Variants in KCNT1 observed in about 807,000 individuals in gnomAD.
The protein encoded by KCNT1 is potassium channel subfamily T member 1.
A neutral mutation model predicts 147.8 loss-of-function variants in KCNT1; 78 were observed. That is an observed-to-expected ratio of 0.53 (90% CI 0.44 to 0.64). The LOEUF (loss-of-function observed/expected upper bound fraction) is 0.64. KCNT1 is among the 30% of genes least tolerant of loss of function. The pLI is 0.00. For synonymous variants in KCNT1, 867 were observed against 748.8 expected, an observed-to-expected ratio of 1.16 and a Z score of -2.58; for missense variants, 1,419 against 1,750.3, an observed-to-expected ratio of 0.81 and a Z score of 3.38.
intron 19 of KCNT1, among the ~76,000 whole-genome samples, chr9:135,773,734 G>A (rs570153415): frequency 6.6e-6 from 1 of 152,398 alleles, no homozygotes; most frequent in Admixed American, 6.5e-5. Context: ...TCAACACACT[G>A]TAATGACAGC....
intron 13 of KCNT1, 66 bp downstream of exon 13, chr9:135,765,826 G>A: frequency 3.5e-6 from 5 of 1,434,352 alleles, no homozygotes; most frequent in Non-Finnish European, 4.8e-6. Context: ...GCTGCTCAGG[G>A]CTGAGGCATT....
intron 29 of KCNT1, among the ~76,000 whole-genome samples, chr9:135,787,642 G>A (rs1269550868): frequency 2.0e-5 from 3 of 152,182 alleles, no homozygotes; most frequent in African/African-American, 7.2e-5. Flanking sequence ...AGACTCAGAG[G>A]CCAGGGTTTG....
chr9:135,761,449 G>A (rs1831906651), intron 11 of KCNT1, among the ~76,000 whole-genome samples: 1 of 152,286 alleles, frequency 6.6e-6, no homozygotes, highest in East Asian at 1.9e-4. Flanking sequence ...ACAGTGTGGG[G>A]GGCACTCCGT....
At chr9:135,785,957 C>T (rs757948717) in intron 28 of KCNT1, 13 of 565,510 alleles carry the variant, frequency 2.3e-5, no homozygotes, top group South Asian at 1.1e-4. Context: ...TGACCAGGCC[C>T]GGGCAGGGTG....
chr9:135,745,689 G>T (rs895854064), intron 2 of KCNT1, among the ~76,000 whole-genome samples: 2 of 152,238 alleles, frequency 1.3e-5, no homozygotes, highest in Admixed American at 1.3e-4. Context: ...GGGACACGCC[G>T]GGAGTTGGTC....
At chr9:135,726,954 A>T (rs1050319523) in intron 2 of KCNT1, among the ~76,000 whole-genome samples, 2 of 1,710 alleles carry the variant, frequency 1.2e-3, no homozygotes, top group Non-Finnish European at 2.0e-3. Flanking sequence ...TCTCTTTCCC[A>T]TTCTCCCTCT....
Position 135,730,989 on chromosome 9 carries a change from G to GT in KCNT1, c.254+16270dup, listed in dbSNP as rs1280722651. On this transcript the variant is annotated intron_variant, in intron 2 of 30. Coordinates refer to ENST00000371757, the MANE Select transcript of KCNT1 (RefSeq NM_020822.3). This position sits in a 1 kb window ranked among gnomAD's most constrained non-coding sequence, Gnocchi z 4.7. Reference sequence around the variant, plus strand: ...CAACAAAGTGAGATCCCGTCTCAAGGTAAAAAAAAAAAAAAAAAAAAAAAG... The same window carrying GT: ...CAACAAAGTGAGATCCCGTCTCAAGGTTAAAAAAAAAAAAAAAAAAAAAAAG... 5.0e-5 allele frequency among the ~76,000 whole-genome samples: 2 copies of GT among 39,612 alleles called. No homozygotes were observed. The highest frequency in any genetic ancestry group is 9.8e-5 in the African/African-American group (1 of 10,158). The allele number at this position is 39,612 out of a possible 152,430, so 26.0% of individuals were successfully genotyped here.
At chr9:135,712,096 G>A (rs1835521368) in intron 1 of KCNT1, among the ~76,000 whole-genome samples, 1 of 152,140 alleles carries the variant, frequency 6.6e-6, no homozygotes, top group Non-Finnish European at 1.5e-5. Context: ...GGTGTGTGCT[G>A]ACAGCCCAGA....
intron 15 of KCNT1, 43 bp downstream of exon 15, chr9:135,768,980 G>A (rs1832524865): frequency 2.0e-6 from 3 of 1,486,524 alleles, no homozygotes; most frequent in Non-Finnish European, 2.8e-6. Flanking sequence ...TCTGGGGCAG[G>A]GCACGTGTGC....
chr9:135,730,763 A>C lies in KCNT1; in HGVS notation c.254+16043A>C, dbSNP rs200314706. Among the ~76,000 whole-genome samples the C allele has an allele frequency of 2.0e-5, 3 of 152,104 alleles. No homozygotes were observed. The East Asian group carries it at 5.8e-4, about 29-fold the overall frequency. ...CACTTTGGGAGGCCAAGGCAGGCAGATCTCTCGAGCTCAGGAGTTCCAGAC... is the reference window on the plus strand; with the variant it reads ...CACTTTGGGAGGCCAAGGCAGGCAGCTCTCTCGAGCTCAGGAGTTCCAGAC... On this transcript the variant is annotated intron_variant, in intron 2 of 30. Transcript: ENST00000371757. The surrounding 1 kb of genome is among the most constrained non-coding windows in gnomAD (Gnocchi z 4.7).
chr9:135,703,327 A>T (rs1157309441), intron 1 of KCNT1, among the ~76,000 whole-genome samples: 1 of 152,178 alleles, frequency 6.6e-6, no homozygotes, highest in Non-Finnish European at 1.5e-5. Context: ...TGAGAGCGGG[A>T]GGCCTGGTGC....
intron 10 of KCNT1, 22 bp from the exon 11 acceptor site, chr9:135,759,657 C>A (rs375169484): frequency 3.2e-6 from 5 of 1,580,406 alleles, no homozygotes; most frequent in Non-Finnish European, 4.3e-6. Flanking sequence ...CCCAGGCCGC[C>A]CCTCACTGCC....
chr9:135,784,225 C>T, intron 25 of KCNT1, 100 bp downstream of exon 25: 1 of 927,884 alleles, frequency 1.1e-6, no homozygotes, highest in Non-Finnish European at 1.7e-6. Context: ...ATAGGACTCC[C>T]TCTGAATGAC....
chr9:135,705,335 G>A (rs1245558818), intron 1 of KCNT1, among the ~76,000 whole-genome samples: 1 of 152,250 alleles, frequency 6.6e-6, no homozygotes, highest in Non-Finnish European at 1.5e-5. Flanking sequence ...CTCTGCAACA[G>A]GAAAGTTTGT....
Position 135,758,648 on chromosome 9 carries a change from G to T in KCNT1, c.854+140G>T, listed in dbSNP as rs561936612. ...CCACAGTGCCTGGGCTGCGGGTGTCGGGCCACCAAGCTGGGACTGAGGTCA... is the reference window on the plus strand; with the variant it reads ...CCACAGTGCCTGGGCTGCGGGTGTCTGGCCACCAAGCTGGGACTGAGGTCA... On this transcript the variant is annotated intron_variant, in intron 10 of 30. Coordinates refer to ENST00000371757, the MANE Select transcript of KCNT1 (RefSeq NM_020822.3). The T allele has an allele frequency of 7.3e-6, 5 of 688,642 alleles. No homozygotes were observed. The South Asian group carries it at 8.7e-5, about 12-fold the overall frequency. The allele number at this position is 688,642 out of a possible 1,614,324, so 42.7% of individuals were successfully genotyped here.
chr9:135,734,187 G>A (rs1355840783), intron 2 of KCNT1, among the ~76,000 whole-genome samples: 1 of 152,176 alleles, frequency 6.6e-6, no homozygotes, highest in Non-Finnish European at 1.5e-5. Context: ...CTGCCCCTGT[G>A]TAGCCATAGG....
At chr9:135,750,692 C>CGTA in intron 3 of KCNT1, 1 of 575,118 alleles carries the variant, frequency 1.7e-6, no homozygotes, top group Non-Finnish European at 3.1e-6. Flanking sequence ...GTGGAGTGGC[C>CGTA]TCTAGAAATC....
At chr9:135,738,453 A>G (rs1184762901) in intron 2 of KCNT1, among the ~76,000 whole-genome samples, 5 of 144,426 alleles carry the variant, frequency 3.5e-5, no homozygotes, top group African/African-American at 5.1e-5. Flanking sequence ...GATCTCACGG[A>G]AAACACAGGC....
chr9:135,756,758 C>G, intron 6 of KCNT1, 115 bp from the exon 7 acceptor site: 2 of 869,594 alleles, frequency 2.3e-6, no homozygotes, highest in Admixed American at 1.7e-5. Flanking sequence ...AGGGTCAAGG[C>G]AGACCCCAGA....
Sources: allele counts gnomAD v4.1 joint callset (sites outside exome capture counted in the v4.1 genomes callset), GRCh38; gene constraint gnomAD v4.1.1; non-coding constraint Gnocchi (gnomAD v3.1); transcripts MANE v1.5; gene names NCBI Gene and HGNC (gene_info 2026-07-23, HGNC 2026-07-21).